The following USP30 variants were observed in gnomAD, a reference collection of about 807,000 sequenced individuals.
USP30 encodes ubiquitin carboxyl-terminal hydrolase 30.
A neutral mutation model predicts 68.2 loss-of-function variants in USP30; 41 were observed. The observed-to-expected ratio is 0.60, with a 90% CI of 0.47 to 0.78. The LOEUF (loss-of-function observed/expected upper bound fraction) is 0.78. Among genes scored for constraint, USP30 ranks in the 30% least tolerant of loss-of-function variants. The pLI, the probability that USP30 is intolerant of heterozygous loss-of-function variation, is 0.00. For missense variants in USP30, 522 were observed against 649.4 expected, an observed-to-expected ratio of 0.80 and a Z score of 2.13; for synonymous variants, 229 against 253.7, an observed-to-expected ratio of 0.90 and a Z score of 0.93.
intron 3 of USP30, among the ~76,000 whole-genome samples, chr12:109,039,741 G>C (rs978760317): frequency 1.3e-5 from 2 of 152,084 alleles, no homozygotes; most frequent in East Asian, 3.9e-4. Context: ...CTCCCAAATA[G>C]CTGGGACTAC....
intron 3 of USP30, among the ~76,000 whole-genome samples, chr12:109,060,585 T>G (rs1266760898): frequency 1.3e-5 from 2 of 152,208 alleles, no homozygotes; most frequent in African/African-American, 4.8e-5. Context: ...TAATTTTACG[T>G]AAACATGCTC....
In USP30 at chr12:109,040,388, T is replaced by A. The variant is rs372678815; in HGVS notation, c.-135-7202T>A. On this transcript the variant is annotated intron_variant, in intron 3 of 15. Coordinates refer to the USP30 transcript ENST00000392784. ...GCTCAAGAGATTTTGAGGTAGTTGGTATAAAGTCCACATTTTGAGGAACAT... is the reference window on the plus strand; with the variant it reads ...GCTCAAGAGATTTTGAGGTAGTTGGAATAAAGTCCACATTTTGAGGAACAT... Among the ~76,000 whole-genome samples, 126 of 152,364 alleles carry A rather than the reference T, an allele frequency of 8.3e-4. 2 individuals carry two copies. In the South Asian group the frequency reaches 0.015, roughly 18 times the overall value.
intron 11 of USP30, among the ~76,000 whole-genome samples, chr12:109,083,851 T>A (rs1413766448): frequency 6.6e-6 from 1 of 152,138 alleles, no homozygotes; most frequent in Non-Finnish European, 1.5e-5. Context: ...TGACCACAGT[T>A]GCATGGCCCG....
In USP30 at chr12:109,070,875, G is replaced by A. The variant is rs981522596; in HGVS notation, c.481-737G>A. On this transcript the variant is annotated intron_variant, in intron 4 of 12. Coordinates refer to ENST00000257548, the MANE Select transcript of USP30 (RefSeq NM_032663.5). The surrounding 1 kb of genome is among the most constrained non-coding windows in gnomAD (Gnocchi z 4.0). ...GCATGTTCGCAATAGCCAAGGGGTA[G>A]AAGCAACCCAAGTGTTCATCGGCTG... is the stretch of plus-strand genomic sequence containing the variant. Among the ~76,000 whole-genome samples the A allele has an allele frequency of 2.0e-5, 3 of 152,216 alleles. No homozygotes were observed. Among genetic ancestry groups the A allele is most frequent in the Non-Finnish European group, 4.4e-5 (3 of 68,042 alleles).
chr12:109,059,038 A>G (rs2040973040), intron 3 of USP30, among the ~76,000 whole-genome samples: 2 of 152,182 alleles, frequency 1.3e-5, no homozygotes, highest in Non-Finnish European at 2.9e-5. Context: ...CCGCCTTATG[A>G]AAATGGTTAG....
intron 9 of USP30, 80 bp downstream of exon 9, chr12:109,082,099 C>T: frequency 6.9e-7 from 1 of 1,443,972 alleles, no homozygotes; most frequent in African/African-American, 1.4e-5. Flanking sequence ...TGACCCTGAG[C>T]TCTTCTGACT....
rs756268152 is a variant in USP30, at chr12:109,052,640, T to G, written c.-39T>G. The G allele has an allele frequency of 9.1e-7, 1 of 1,097,788 alleles. No individual in the cohort carries two copies. The highest frequency in any genetic ancestry group is 1.2e-6 in the Non-Finnish European group (1 of 825,888). The allele number at this position is 1,097,788 out of a possible 1,614,324, so 68.0% of individuals were successfully genotyped here. On this transcript the variant is annotated 5_prime_UTR_variant, in exon 1 of 13. Coordinates refer to ENST00000257548, the MANE Select transcript of USP30 (RefSeq NM_032663.5). ...CTCGGTCCGGCGGCGGCGGCGGCGG[T>G]AGCGGAGGAGACGGTTTCAGGCCTC... is the stretch of plus-strand genomic sequence containing the variant.
At chr12:109,030,248 C>T (rs919825800) in intron 3 of USP30, among the ~76,000 whole-genome samples, 5 of 152,136 alleles carry the variant, frequency 3.3e-5, no homozygotes, top group Non-Finnish European at 7.3e-5. Flanking sequence ...GATTATTTTC[C>T]CTCTTTGAGT....
At chr12:109,029,327 C>A (rs1245268835) in intron 3 of USP30, among the ~76,000 whole-genome samples, 4 of 152,202 alleles carry the variant, frequency 2.6e-5, no homozygotes, top group Admixed American at 2.6e-4. Flanking sequence ...AGGTCAGAGG[C>A]ACTCTCTCTG....
intron 3 of USP30, among the ~76,000 whole-genome samples, chr12:109,028,560 C>T (rs1183155899): frequency 2.6e-5 from 4 of 152,102 alleles, no homozygotes; most frequent in Non-Finnish European, 5.9e-5. Context: ...TCACTGCAAC[C>T]TCCACCTACC....
In USP30 at chr12:109,031,578, G is replaced by C. The variant is rs139904680; in HGVS notation, c.-136+4022G>C. 1.6e-3 allele frequency among the ~76,000 whole-genome samples: 238 copies of C among 152,266 alleles called. 2 individuals are homozygous for C. Among genetic ancestry groups the C allele is most frequent in the African/African-American group, 5.6e-3 (234 of 41,558 alleles). On this transcript the variant is annotated intron_variant, in intron 3 of 15. Transcript: ENST00000392784. ...GTTCATAGCAGCATTATTCACAATAGCCAAACAGTGGAAGCAACCCATGTG... is the reference window on the plus strand; with the variant it reads ...GTTCATAGCAGCATTATTCACAATACCCAAACAGTGGAAGCAACCCATGTG...
intron 3 of USP30, among the ~76,000 whole-genome samples, chr12:109,030,517 C>T (rs537371401): frequency 6.6e-6 from 1 of 152,140 alleles, no homozygotes; most frequent in East Asian, 1.9e-4. Context: ...GGAGATCTAA[C>T]GTACAGCATG....
At chr12:109,031,703 A>G (rs2040482146) in intron 3 of USP30, among the ~76,000 whole-genome samples, 2 of 152,366 alleles carry the variant, frequency 1.3e-5, no homozygotes, top group South Asian at 2.1e-4. Context: ...AAGCTACAAT[A>G]TGGATGAGGC....
chr12:109,025,460 C>A (rs1236172814), intron 2 of USP30, among the ~76,000 whole-genome samples: 1 of 152,038 alleles, frequency 6.6e-6, no homozygotes, highest in Non-Finnish European at 1.5e-5. Flanking sequence ...AAATCAATAT[C>A]TTTTCTACTA....
intron 3 of USP30, among the ~76,000 whole-genome samples, chr12:109,028,417 G>A (rs2040459113): frequency 6.6e-6 from 1 of 152,020 alleles, no homozygotes; most frequent in Non-Finnish European, 1.5e-5. Context: ...GAAGGTGAAG[G>A]GGAGCAAGAC....
chr12:109,085,607 T>C, intron 12 of USP30, 60 bp from the exon 13 acceptor site: 1 of 1,585,778 alleles, frequency 6.3e-7, no homozygotes, highest in Non-Finnish European at 8.6e-7. Flanking sequence ...TCTTTTGTTT[T>C]TGCCTATAAA....
intron 9 of USP30, among the ~76,000 whole-genome samples, 196 bp downstream of exon 9, chr12:109,082,215 C>T (rs144240550): frequency 8.5e-5 from 13 of 152,352 alleles, no homozygotes; most frequent in African/African-American, 2.4e-4. Flanking sequence ...GTTTCATGCA[C>T]AGTGTTTAAA....
intron 3 of USP30, among the ~76,000 whole-genome samples, chr12:109,060,402 C>T (rs1020530535): frequency 6.6e-6 from 1 of 152,166 alleles, no homozygotes; most frequent in African/African-American, 2.4e-5. Context: ...CTAAATCGTG[C>T]TTCACTGAGG....
chr12:109,045,269 G>GCGCC (rs2040595162), intron 3 of USP30, among the ~76,000 whole-genome samples: 1 of 152,172 alleles, frequency 6.6e-6, no homozygotes, highest in African/African-American at 2.4e-5. Flanking sequence ...GTGAGCCACT[G>GCGCC]CGCCCGCCCA....
Sources: gnomAD v4.1 joint callset for allele counts (sites outside exome capture counted in the v4.1 genomes callset) on GRCh38, gnomAD v4.1.1 for gene constraint, Gnocchi (gnomAD v3.1) non-coding constraint, MANE v1.5 for transcripts, NCBI Gene and HGNC (gene_info 2026-07-23, HGNC 2026-07-21) for gene names.